KSR2: variants seen among roughly 807,000 people sequenced by gnomAD.
KSR2 encodes kinase suppressor of ras 2.
A neutral mutation model predicts 107.8 loss-of-function variants in KSR2; 25 were observed. The ratio of observed to expected loss-of-function variants is 0.23; its 90% CI spans 0.17 to 0.32. The LOEUF (loss-of-function observed/expected upper bound fraction) is 0.32. KSR2 is among the 10% of genes least tolerant of loss of function. The pLI is 1.00. For missense variants in KSR2, 887 were observed against 1,268.9 expected (o/e 0.70, Z 4.57); for synonymous variants, 480 against 507.0 (o/e 0.95, Z 0.71).
chr12:117,668,116 A>C (rs1884743956), intron 4 of KSR2, among the ~76,000 whole-genome samples: 1 of 152,222 alleles, frequency 6.6e-6, no homozygotes, highest in Admixed American at 6.5e-5. Context: ...TTCACCATCT[A>C]CGTGTTTAAT....
At chr12:117,928,746 T>C (rs1019688651) in intron 1 of KSR2, among the ~76,000 whole-genome samples, 4 of 152,246 alleles carry the variant, frequency 2.6e-5, no homozygotes, top group African/African-American at 4.8e-5. Flanking sequence ...AACCTCCTTA[T>C]ATTTAGTGGA....
intron 3 of KSR2, among the ~76,000 whole-genome samples, chr12:117,788,362 C>G (rs1186931720): frequency 6.6e-6 from 1 of 152,182 alleles, no homozygotes; most frequent in Admixed American, 6.5e-5. Context: ...GTTTTCCAAA[C>G]TGTACCATGG....
At chr12:117,681,193 C>A (rs1452230853) in intron 4 of KSR2, among the ~76,000 whole-genome samples, 1 of 152,136 alleles carries the variant, frequency 6.6e-6, no homozygotes, top group Non-Finnish European at 1.5e-5. Flanking sequence ...TCACCTGAGC[C>A]CAGGAGGTGG....
intron 3 of KSR2, among the ~76,000 whole-genome samples, chr12:117,765,378 G>A (rs1889189171): frequency 6.6e-6 from 1 of 152,146 alleles, no homozygotes. Flanking sequence ...GGAACCAGAA[G>A]AACCCAATAG....
At chr12:117,490,498 A>G (rs184470666) in intron 14 of KSR2, among the ~76,000 whole-genome samples, 5 of 152,352 alleles carry the variant, frequency 3.3e-5, no homozygotes. Flanking sequence ...GTGTCCTGCA[A>G]TCATTGACAG....
chr12:117,861,378 CTTTT>C lies in KSR2; in HGVS notation c.181-951_181-948del, dbSNP rs5801257. ...TCTGTCCACAAGGACTCCCAATTCG[CTTTT>C]TTTTTTTTTTTTTTTTTTTTTTTTG... On this transcript the variant is annotated intron_variant, in intron 1 of 19. Coordinates refer to ENST00000339824, the MANE Select transcript of KSR2 (RefSeq NM_173598.6). Among the ~76,000 whole-genome samples the C allele has an allele frequency of 4.9e-3, 401 of 81,656 alleles. 14 individuals are homozygous for C. The highest frequency in any genetic ancestry group is 6.1e-3 in the Non-Finnish European group (273 of 44,972). The allele number at this position is 81,656 out of a possible 152,430, so 53.6% of individuals were successfully genotyped here.
intron 14 of KSR2, among the ~76,000 whole-genome samples, chr12:117,521,048 C>T (rs1364969362): frequency 6.6e-6 from 1 of 152,170 alleles, no homozygotes; most frequent in Non-Finnish European, 1.5e-5. Flanking sequence ...GTATTAAAAG[C>T]TCCCCTTCCT....
chr12:117,822,649 T>A (rs1159146742), intron 3 of KSR2, among the ~76,000 whole-genome samples: 1 of 152,116 alleles, frequency 6.6e-6, no homozygotes, highest in Non-Finnish European at 1.5e-5. Context: ...ATTCCTACAA[T>A]AAAGTAAGGT....
intron 5 of KSR2, among the ~76,000 whole-genome samples, chr12:117,633,802 TAA>T (rs1225753760): frequency 1.3e-5 from 2 of 152,134 alleles, no homozygotes; most frequent in African/African-American, 4.8e-5. Context: ...TGCATGGATA[TAA>T]GTTTTGGGAG....
At chr12:117,954,266 T>C (rs1475374934) in intron 1 of KSR2, among the ~76,000 whole-genome samples, 1 of 152,182 alleles carries the variant, frequency 6.6e-6, no homozygotes, top group Non-Finnish European at 1.5e-5. Context: ...CAGGATATGC[T>C]TTTCAGATGC....
intron 9 of KSR2, among the ~76,000 whole-genome samples, chr12:117,552,518 T>A (rs528716525): frequency 9.9e-5 from 15 of 152,268 alleles, no homozygotes; most frequent in African/African-American, 3.6e-4. Flanking sequence ...GAAGCCTGAC[T>A]ACCCTGAGGC....
intron 1 of KSR2, among the ~76,000 whole-genome samples, chr12:117,863,107 G>A (rs980834179): frequency 4.6e-5 from 7 of 152,046 alleles, no homozygotes; most frequent in Non-Finnish European, 8.8e-5. Context: ...CAGTCCATCC[G>A]GCTGATGTGA....
At chr12:117,917,314 G>C (rs1049052829) in intron 1 of KSR2, among the ~76,000 whole-genome samples, 9 of 152,174 alleles carry the variant, frequency 5.9e-5, no homozygotes, top group Non-Finnish European at 1.2e-4. Flanking sequence ...GCTGAGGCAG[G>C]AGGATCCATT....
chr12:117,894,830 C>A (rs939576017), intron 1 of KSR2, among the ~76,000 whole-genome samples: 1 of 151,306 alleles, frequency 6.6e-6, no homozygotes, highest in African/African-American at 2.4e-5. Context: ...TTTCCTAAGG[C>A]CTCCCCACCA....
chr12:117,611,506 C>T (rs1379300463), intron 5 of KSR2, among the ~76,000 whole-genome samples: 1 of 131,772 alleles, frequency 7.6e-6, no homozygotes, highest in South Asian at 2.7e-4. Flanking sequence ...AGCAGGGTGA[C>T]GAGTGGATGG....
intron 16 of KSR2, 69 bp from the exon 17 acceptor site, chr12:117,476,664 C>G: frequency 1.4e-6 from 2 of 1,475,422 alleles, no homozygotes; most frequent in Non-Finnish European, 1.8e-6. Flanking sequence ...CTGGCACTGA[C>G]CCTACGTCCC....
chr12:117,914,099 A>C (rs931263786), intron 1 of KSR2, among the ~76,000 whole-genome samples: 1 of 152,164 alleles, frequency 6.6e-6, no homozygotes, highest in African/African-American at 2.4e-5. Context: ...GGGAAGAATA[A>C]CATTCTGGGT....
intron 1 of KSR2, among the ~76,000 whole-genome samples, chr12:117,932,952 G>A (rs1333343590): frequency 6.6e-6 from 1 of 152,162 alleles, no homozygotes; most frequent in African/African-American, 2.4e-5. Context: ...GGCAGAGGTT[G>A]CAGTGAGCCC....
chr12:117,811,692 A>C (rs184040891), intron 3 of KSR2, among the ~76,000 whole-genome samples: 5 of 152,352 alleles, frequency 3.3e-5, no homozygotes, highest in African/African-American at 1.2e-4. Context: ...GACAGAGTTT[A>C]CCGGGACTCT....
Sources: allele counts gnomAD v4.1 joint callset (sites outside exome capture counted in the v4.1 genomes callset), GRCh38; gene constraint gnomAD v4.1.1; transcripts MANE v1.5; gene names NCBI Gene and HGNC (gene_info 2026-07-23, HGNC 2026-07-21).